MYO18B: variants seen among roughly 807,000 people sequenced by gnomAD.
The protein encoded by MYO18B is myosin XVIIIB, also known as unconventional myosin-XVIIIb.
Under a neutral mutation model 273.0 loss-of-function variants are expected in MYO18B, and 204 were observed. The observed-to-expected ratio is 0.75, with a 90% CI of 0.67 to 0.84. The LOEUF is 0.84. MYO18B is among the 40% of genes least tolerant of loss of function. The pLI, the probability that MYO18B is intolerant of heterozygous loss-of-function variation, is 0.00. For missense variants in MYO18B, 3,212 were observed against 3,287.6 expected (o/e 0.98, Z 0.56); for synonymous variants, 1,330 against 1,305.7 (o/e 1.02, Z -0.40).
At chr22:25,754,033 C>G (rs2086029458) in intron 1 of MYO18B, among the ~76,000 whole-genome samples, 1 of 152,130 alleles carries the variant, frequency 6.6e-6, no homozygotes, top group Admixed American at 6.5e-5. Context: ...ATCTGCTGTG[C>G]CTGAACTAAC....
intron 40 of MYO18B, among the ~76,000 whole-genome samples, chr22:25,999,618 TTCC>T (rs1198658073): frequency 7.7e-4 from 91 of 117,436 alleles, no homozygotes; most frequent in Middle Eastern, 4.2e-3. Context: ...TCTCCTTCTC[TTCC>T]TCCTCCTCCT....
chr22:25,923,999 CCTT>C lies in MYO18B; in HGVS notation c.5517+2595_5517+2597del, dbSNP rs1324410544. Among the ~76,000 whole-genome samples, 11 of 152,258 alleles carry C rather than the reference CCTT, an allele frequency of 7.2e-5. No individual in the cohort carries two copies. In the East Asian group the frequency reaches 1.9e-3, roughly 27 times the overall value. The stretch of plus-strand genomic sequence containing the variant: ...CAAAGAGCCTCATTCTTCTGAAAGT[CCTT>C]CTTCCTAGTCTCTGCATCCGGCTCC... On this transcript the variant is annotated intron_variant, in intron 34 of 43. Coordinates refer to ENST00000335473, the MANE Select transcript of MYO18B (RefSeq NM_032608.7).
rs117270969 is a variant in MYO18B, at chr22:26,026,488, T to C, written c.6514T>C (p.Leu2172=). The stretch of plus-strand genomic sequence containing the variant: ...GGACACTGAGAGGACCCAGTCGGCA[T>C]TGGCACTGAGCAGAGCCCGGTCCAC... ...AGDTERTQSA[L]ALSRARSTNV... The change falls in exon 43 of 44, where the codon TTG becomes CTG. Residue 2172 remains leucine, a synonymous_variant. Transcript: ENST00000335473. 7,875 of 1,613,842 alleles carry C rather than the reference T, an allele frequency of 4.9e-3. 223 individuals carry two copies. The East Asian group carries it at 0.064, about 13-fold the overall frequency.
chr22:25,897,641 A>G (rs956286802), intron 28 of MYO18B: 1 of 152,266 alleles, frequency 6.6e-6, no homozygotes, highest in African/African-American at 2.4e-5. Context: ...TTAGAATTAC[A>G]GGCTTCATTA....
intron 22 of MYO18B, 93 bp from the exon 23 acceptor site, chr22:25,874,193 T>C: frequency 6.7e-7 from 1 of 1,481,494 alleles, no homozygotes; most frequent in Non-Finnish European, 9.3e-7. Context: ...TGCAGGTGGG[T>C]GCAAGAGAAG....
At chr22:26,032,675 C>T (rs1342123960), downstream of MYO18B, among the ~76,000 whole-genome samples, 1 of 152,054 alleles carries the variant, frequency 6.6e-6, no homozygotes, top group Admixed American at 6.5e-5. Context: ...ACATGCACCA[C>T]CAGGCCCAGC....
rs1319800690 is a variant in MYO18B, at chr22:25,883,316, G to GC, written c.4314+5272dup. ...GGTATGGGGGGTAGGGAGCCCTCCA[G>GC]CCCCTAGGCAATCCTGATTCAGAGG... is the stretch of plus-strand genomic sequence containing the variant. On this transcript the variant is annotated intron_variant, in intron 25 of 43. Transcript: ENST00000335473. The surrounding 1 kb of genome is among the most constrained non-coding windows in gnomAD (Gnocchi z 7.6). The GC allele has an allele frequency of 6.6e-6, 1 of 152,260 alleles. No homozygotes were observed. Among genetic ancestry groups the GC allele is most frequent in the Non-Finnish European group, 1.5e-5 (1 of 68,076 alleles). The allele number at this position is 152,260 out of a possible 1,614,324, so 9.4% of individuals were successfully genotyped here.
At chr22:25,895,450 A>T in intron 28 of MYO18B, 170 bp downstream of exon 28, 1 of 733,460 alleles carries the variant, frequency 1.4e-6, no homozygotes, top group Non-Finnish European at 2.2e-6. Flanking sequence ...TCACTGTGAG[A>T]CATGAAAAAT....
chr22:25,907,127 C>T (rs2092060416), intron 31 of MYO18B, among the ~76,000 whole-genome samples: 1 of 152,192 alleles, frequency 6.6e-6, no homozygotes, highest in South Asian at 2.1e-4. Flanking sequence ...AGGGTGAAGC[C>T]CTGCAATTTG....
chr22:25,770,967 G>A lies in MYO18B; in HGVS notation c.1675G>A (p.Glu559Lys), dbSNP rs117243697. ...DADKTITEVD[E>K]EHVHRANPPE... The stretch of plus-strand genomic sequence containing the variant: ...TGACAAAACCATCACTGAGGTGGAT[G>A]AGGAGCATGTCCATCGGGTGAGTCC... Residue 559 changes from glutamate (E) to lysine (K), a missense_variant, in exon 6 of 44, where the codon GAG (glutamate) becomes AAG (lysine). Glu to Lys is a moderately conservative substitution (Grantham distance 56). Coordinates refer to ENST00000335473, the MANE Select transcript of MYO18B (RefSeq NM_032608.7). 1.1e-4 allele frequency: 169 copies of A among 1,552,192 alleles called. No homozygotes were observed. The East Asian group carries it at 2.8e-3, about 26-fold the overall frequency.
intron 29 of MYO18B, 200 bp downstream of exon 29, chr22:25,898,661 C>T (rs1407501595): frequency 2.6e-5 from 15 of 585,200 alleles, no homozygotes; most frequent in Non-Finnish European, 2.6e-5. Context: ...TTCTCTTAGC[C>T]AGCCTCAACT....
At chr22:25,775,936 T>C (rs1160654658) in intron 7 of MYO18B, among the ~76,000 whole-genome samples, 1 of 152,198 alleles carries the variant, frequency 6.6e-6, no homozygotes, top group East Asian at 1.9e-4. Flanking sequence ...CTTTTTAGTG[T>C]ACAGTTCTGA....
intron 10 of MYO18B, among the ~76,000 whole-genome samples, 193 bp from the exon 11 acceptor site, chr22:25,785,235 A>G (rs972836172): frequency 6.6e-6 from 1 of 152,268 alleles, no homozygotes; most frequent in Admixed American, 6.5e-5. Flanking sequence ...GGGCCAAGTG[A>G]GGGCTGTGCG....
At chr22:25,967,717 A>G (rs1342025102) in intron 39 of MYO18B, among the ~76,000 whole-genome samples, 2 of 152,196 alleles carry the variant, frequency 1.3e-5, no homozygotes, top group Non-Finnish European at 2.9e-5. Context: ...AAGCAAAAGG[A>G]AATTTATTGG....
chr22:25,931,387 C>T (rs1038144028), intron 34 of MYO18B, among the ~76,000 whole-genome samples: 2 of 152,174 alleles, frequency 1.3e-5, no homozygotes, highest in Admixed American at 6.5e-5. Context: ...CTGTCAAGGT[C>T]GTGATAACTA....
chr22:25,788,409 G>C (rs1170611646), intron 11 of MYO18B, among the ~76,000 whole-genome samples: 1 of 152,148 alleles, frequency 6.6e-6, no homozygotes, highest in East Asian at 1.9e-4. Context: ...GTGAATTTCA[G>C]ATAAACATTG....
chr22:25,940,818 A>G (rs2092634902), intron 34 of MYO18B, among the ~76,000 whole-genome samples: 1 of 152,216 alleles, frequency 6.6e-6, no homozygotes, highest in South Asian at 2.1e-4. Context: ...ATTTATGCAT[A>G]AGATCTGAAG....
intron 11 of MYO18B, 127 bp from the exon 12 acceptor site, chr22:25,797,825 TG>T: frequency 7.6e-7 from 1 of 1,314,442 alleles, no homozygotes; most frequent in Non-Finnish European, 1.1e-6. Flanking sequence ...AGCTTAATTG[TG>T]GGTAATTTAT....
intron 42 of MYO18B, among the ~76,000 whole-genome samples, chr22:26,009,957 A>G (rs1232202293): frequency 6.6e-6 from 1 of 152,176 alleles, no homozygotes; most frequent in Non-Finnish European, 1.5e-5. Context: ...CCAACCAGGT[A>G]TCTCCCTGAT....
Sources: gnomAD v4.1 joint callset for allele counts (sites outside exome capture counted in the v4.1 genomes callset) on GRCh38, gnomAD v4.1.1 for gene constraint, Gnocchi (gnomAD v3.1) non-coding constraint, MANE v1.5 for transcripts, NCBI Gene and HGNC (gene_info 2026-07-23, HGNC 2026-07-21) for gene names.